The following TNFSF4 variants were observed in gnomAD, a reference collection of about 807,000 sequenced individuals.
The protein encoded by TNFSF4 is tumor necrosis factor ligand superfamily member 4.
A neutral mutation model predicts 7.3 loss-of-function variants in TNFSF4; 4 were observed. The observed-to-expected ratio is 0.55, with a 90% confidence interval of 0.27 to 1.25. The LOEUF (loss-of-function observed/expected upper bound fraction) is 1.25, where lower values mean the gene tolerates loss of function less well. Among genes scored for constraint, TNFSF4 ranks in the 50% most tolerant of loss-of-function variants. The pLI is 0.12. For missense variants in TNFSF4, 181 were observed against 208.8 expected (o/e 0.87, Z 0.82); for synonymous variants, 76 against 83.7 (o/e 0.91, Z 0.50).
intron 1 of TNFSF4, among the ~76,000 whole-genome samples, chr1:173,203,255 T>A (rs987595691): frequency 1.3e-5 from 2 of 152,036 alleles, no homozygotes; most frequent in East Asian, 3.9e-4. Flanking sequence ...TCTGTTTTCT[T>A]ATCTGTAAAT....
At chr1:173,178,373 A>G in the TNFSF4 span, among the ~76,000 whole-genome samples, 4 of 152,260 alleles carry the variant, frequency 2.6e-5, no homozygotes, top group Non-Finnish European at 5.9e-5. Context: ...TAGGAGATCC[A>G]GGCTGTCCTG....
At chr1:173,236,921 T>C in the TNFSF4 span, among the ~76,000 whole-genome samples, 19,828 of 152,108 alleles carry the variant, frequency 0.13, 1,435 homozygotes, top group South Asian at 0.17. Context: ...TATGGTTGGG[T>C]TGTGTCCCCC....
At chr1:173,191,358 T>C (rs887898922) in intron 1 of TNFSF4, among the ~76,000 whole-genome samples, 3 of 152,216 alleles carry the variant, frequency 2.0e-5, no homozygotes, top group Admixed American at 6.5e-5. Context: ...GAAGTTTGCA[T>C]ATCCTCAGAA....
At chr1:173,263,821 T>A in the TNFSF4 span, among the ~76,000 whole-genome samples, 3 of 152,202 alleles carry the variant, frequency 2.0e-5, no homozygotes, top group African/African-American at 7.2e-5. Flanking sequence ...AAGGGAAGTT[T>A]CCTTCAGCAG....
chr1:173,305,818 A>G, the TNFSF4 span, among the ~76,000 whole-genome samples: 3 of 151,810 alleles, frequency 2.0e-5, no homozygotes, highest in Non-Finnish European at 4.4e-5. Context: ...CTCACTCACT[A>G]TCATGAGACT....
chr1:173,282,868 T>A, the TNFSF4 span, among the ~76,000 whole-genome samples: 27 of 152,316 alleles, frequency 1.8e-4, no homozygotes, highest in East Asian at 5.2e-3. Context: ...AAATGACTGA[T>A]GACAATTTTT....
intron 1 of TNFSF4, among the ~76,000 whole-genome samples, chr1:173,206,749 G>C (rs935190327): frequency 1.3e-5 from 2 of 152,124 alleles, no homozygotes; most frequent in African/African-American, 4.8e-5. Flanking sequence ...CTTATAAAGG[G>C]ATACAAGGAA....
the TNFSF4 span, among the ~76,000 whole-genome samples, chr1:173,289,581 G>A: frequency 7.2e-5 from 11 of 152,026 alleles, no homozygotes; most frequent in Non-Finnish European, 2.9e-5. Context: ...TAGCCAGCAG[G>A]GGGAAAAGTC....
chr1:173,378,375 G>C, the TNFSF4 span, among the ~76,000 whole-genome samples: 1 of 152,218 alleles, frequency 6.6e-6, no homozygotes, highest in Non-Finnish European at 1.5e-5. Flanking sequence ...AGGGACCGTT[G>C]TGGGTCCTTG....
At chr1:173,449,126 C>T in the TNFSF4 span, among the ~76,000 whole-genome samples, 1 of 152,006 alleles carries the variant, frequency 6.6e-6, no homozygotes, top group African/African-American at 2.4e-5. Context: ...GTGAGATCTG[C>T]TCATTTAAAA....
chr1:173,252,297 C>G, the TNFSF4 span, among the ~76,000 whole-genome samples: 2 of 152,128 alleles, frequency 1.3e-5, no homozygotes, highest in Non-Finnish European at 2.9e-5. Context: ...GTCCAATTTT[C>G]AATAATTATG....
At chr1:173,443,262 G>T in the TNFSF4 span, among the ~76,000 whole-genome samples, 1 of 152,104 alleles carries the variant, frequency 6.6e-6, no homozygotes, top group Non-Finnish European at 1.5e-5. Context: ...CCAGAACAAT[G>T]TTGTTTTTTA....
the TNFSF4 span, among the ~76,000 whole-genome samples, chr1:173,276,556 GC>G: frequency 6.6e-6 from 1 of 152,142 alleles, no homozygotes; most frequent in Non-Finnish European, 1.5e-5. Flanking sequence ...TGAGTTGGAG[GC>G]CTTAGAGCCA....
the TNFSF4 span, among the ~76,000 whole-genome samples, chr1:173,382,641 G>A: frequency 2.6e-5 from 4 of 152,146 alleles, no homozygotes; most frequent in African/African-American, 9.7e-5. Context: ...GGACTAGGAC[G>A]TTTAACCTAC....
At chr1:173,255,931 T>G in the TNFSF4 span, among the ~76,000 whole-genome samples, 1 of 152,104 alleles carries the variant, frequency 6.6e-6, no homozygotes, top group Admixed American at 6.5e-5. Flanking sequence ...TCATTTTTAT[T>G]TGGGTGTTAT....
At chr1:173,381,732 G>T in the TNFSF4 span, among the ~76,000 whole-genome samples, 1 of 152,174 alleles carries the variant, frequency 6.6e-6, no homozygotes, top group African/African-American at 2.4e-5. Flanking sequence ...CAGCAGCTGG[G>T]GTGTCCTGTT....
chr1:173,372,587 G>A, the TNFSF4 span, among the ~76,000 whole-genome samples: 1 of 152,172 alleles, frequency 6.6e-6, no homozygotes, highest in Non-Finnish European at 1.5e-5. Context: ...TAGTTGCAGT[G>A]GTGGCCATCT....
the TNFSF4 span, among the ~76,000 whole-genome samples, chr1:173,294,920 C>A: frequency 6.6e-6 from 1 of 151,940 alleles, no homozygotes; most frequent in Non-Finnish European, 1.5e-5. Flanking sequence ...ACTGAGAAGA[C>A]AATCCAATTT....
the TNFSF4 span, among the ~76,000 whole-genome samples, chr1:173,442,781 ACTCGTGATCTG>A: frequency 6.6e-6 from 1 of 150,414 alleles, no homozygotes; most frequent in Non-Finnish European, 1.5e-5. Context: ...GAACTCCTGA[ACTCGTGATCTG>A]CTCGCCTCGG....
Sources: gnomAD v4.1 joint callset for allele counts (sites outside exome capture counted in the v4.1 genomes callset) on GRCh38, gnomAD v4.1.1 for gene constraint, MANE v1.5 for transcripts, NCBI Gene and HGNC (gene_info 2026-07-23, HGNC 2026-07-21) for gene names.